MGAM2: variants seen among roughly 807,000 people sequenced by gnomAD.
MGAM2 encodes probable maltase-glucoamylase 2.
In MGAM2, 98 loss-of-function variants were observed where a neutral mutation model predicts 96.1. The ratio of observed to expected loss-of-function variants is 1.02; its 90% CI spans 0.87 to 1.21. MGAM2 has a LOEUF of 1.21. MGAM2 is among the 50% of genes most tolerant of loss of function. The pLI is 0.00. For synonymous variants in MGAM2, 749 were observed against 414.8 expected, an observed-to-expected ratio of 1.81 and a Z score of -9.79; for missense variants, 2,055 against 1,182.4, an observed-to-expected ratio of 1.74 and a Z score of -10.82.
At position 142,148,960 on chromosome 7, in the gene MGAM2, C is replaced by A. The variant is rs1466529290; in HGVS notation, c.1634+1387C>A. Among the ~76,000 whole-genome samples the A allele has an allele frequency of 2.6e-5, 4 of 152,158 alleles. No homozygotes were observed. Among genetic ancestry groups the A allele is most frequent in the African/African-American group, 9.7e-5 (4 of 41,440 alleles). On this transcript the variant is annotated intron_variant, in intron 15 of 47. Transcript: ENST00000477922. The surrounding 1 kb of genome is among the most constrained non-coding windows in gnomAD (Gnocchi z 4.2). ...CTGCTCTGCTGGCTTGGTGCGGTGGCTTACGTCTGTAATCCAAGCACTTTG... is the reference window on the plus strand; with the variant it reads ...CTGCTCTGCTGGCTTGGTGCGGTGGATTACGTCTGTAATCCAAGCACTTTG...
chr7:142,117,930 T>C (rs922087844), intron 2 of MGAM2, among the ~76,000 whole-genome samples: 2 of 148,320 alleles, frequency 1.3e-5, no homozygotes, highest in Non-Finnish European at 2.9e-5. Flanking sequence ...TGCTTTCAAC[T>C]GTTTTTTTTT....
chr7:142,126,289 C>T (rs925696718), intron 3 of MGAM2, among the ~76,000 whole-genome samples: 107 of 151,962 alleles, frequency 7.0e-4, no homozygotes, highest in African/African-American at 2.4e-3. Context: ...ATTGATATTT[C>T]GCACATCTAT....
intron 15 of MGAM2, among the ~76,000 whole-genome samples, chr7:142,153,022 G>A (rs2129084186): frequency 7.1e-6 from 1 of 140,730 alleles, no homozygotes; most frequent in East Asian, 2.1e-4. Context: ...CTGAGACAGA[G>A]CCTTGCTCTG....
intron 46 of MGAM2, among the ~76,000 whole-genome samples, chr7:142,216,557 G>A (rs1395301618): frequency 2.0e-5 from 3 of 152,108 alleles, no homozygotes; most frequent in Non-Finnish European, 2.9e-5. Flanking sequence ...CCAGCTTGTG[G>A]GGGTGGGAGA....
chr7:142,221,660 C>A lies in MGAM2; in HGVS notation c.7149C>A (p.His2383Gln). 2.2e-6 allele frequency: 1 copy of A among 452,382 alleles called. No homozygotes were observed. The highest frequency in any genetic ancestry group is 3.9e-6 in the Non-Finnish European group (1 of 258,276). 28.0% of individuals were successfully genotyped at this position (452,382 alleles called of 1,614,324 possible). The change falls in exon 48 of 48, where the codon CAC becomes CAA. Residue 2383 changes from histidine to glutamine, a missense_variant. Physicochemically the swap from His to Gln is conservative, Grantham distance 24. Transcript: ENST00000477922. Reference protein sequence around the residue: ...TVTSIDKFTTHITQFATPHSA... With the variant: ...TVTSIDKFTTQITQFATPHSA... ...CTTCCATAGACAAATTCACCACACA[C>A]ATCACACAGTTCGCTACTCCCCATT...
chr7:142,114,220 A>G (rs866056476), intron 1 of MGAM2, among the ~76,000 whole-genome samples: 46 of 131,828 alleles, frequency 3.5e-4, no homozygotes, highest in Middle Eastern at 3.9e-3. Context: ...GAAAGAGAGA[A>G]AGAAAGAAAG....
At chr7:142,153,062 C>T (rs907534057) in intron 15 of MGAM2, among the ~76,000 whole-genome samples, 1 of 145,152 alleles carries the variant, frequency 6.9e-6, no homozygotes. Context: ...GTGGCACGAT[C>T]TTGGCTCACT....
chr7:142,215,034 A>G (rs553753777), intron 46 of MGAM2, among the ~76,000 whole-genome samples: 4 of 152,342 alleles, frequency 2.6e-5, no homozygotes, highest in African/African-American at 9.6e-5. Context: ...CACAATAGCA[A>G]AGACTTAGAA....
At chr7:142,126,691 C>T (rs555295297) in intron 3 of MGAM2, among the ~76,000 whole-genome samples, 1 of 152,092 alleles carries the variant, frequency 6.6e-6, no homozygotes, top group South Asian at 2.1e-4. Flanking sequence ...TTCTTTATAT[C>T]TGTTGTCATT....
intron 30 of MGAM2, among the ~76,000 whole-genome samples, 151 bp downstream of exon 30, chr7:142,172,915 A>C (rs1420444974): frequency 2.0e-5 from 3 of 152,190 alleles, no homozygotes; most frequent in Admixed American, 6.5e-5. Flanking sequence ...TTTTAGTATT[A>C]TGGTTCTATA....
chr7:142,158,177 G>T (rs1795792410), intron 18 of MGAM2, 71 bp from the exon 19 acceptor site: 6 of 700,532 alleles, frequency 8.6e-6, no homozygotes, highest in Non-Finnish European at 1.6e-5. Context: ...TTAGGATCTT[G>T]TTGTTACATA....
chr7:142,149,588 T>G (rs1024270516), intron 15 of MGAM2, among the ~76,000 whole-genome samples: 1 of 152,082 alleles, frequency 6.6e-6, no homozygotes. Context: ...TCGCCCAGGC[T>G]GGAGTGCAGT....
At chr7:142,117,113 T>G (rs1817435840) in intron 2 of MGAM2, 134 bp downstream of exon 2, 1 of 630,022 alleles carries the variant, frequency 1.6e-6, no homozygotes, top group Non-Finnish European at 2.8e-6. Context: ...CATGATTAGT[T>G]TAAGTTCAAC....
chr7:142,182,472 G>A (rs1388355610), intron 32 of MGAM2, among the ~76,000 whole-genome samples: 1 of 152,208 alleles, frequency 6.6e-6, no homozygotes, highest in African/African-American at 2.4e-5. Flanking sequence ...GAGCCACTCA[G>A]AGCAAGATGG....
At position 142,221,342 on chromosome 7, in the gene MGAM2, T is replaced by C. The variant is rs1169475189; in HGVS notation, c.6831T>C (p.Asp2277=). Residue 2277 remains aspartate, a synonymous_variant, in exon 48 of 48, where the codon GAT becomes GAC. Transcript: ENST00000477922. ...PFVTTPSPST[D]ATTTSNNTNP... is the part of the protein sequence containing the mutation. ...TGACTACTCCTTCTCCAAGTACTGA[T>C]GCTACTACTACAAGTAATAATACTA... 2 of 632,108 alleles carry C rather than the reference T, an allele frequency of 3.2e-6. No individual in the cohort carries two copies. Among genetic ancestry groups the C allele is most frequent in the African/African-American group, 3.6e-5 (2 of 54,948 alleles). 39.2% of individuals were successfully genotyped at this position (632,108 alleles called of 1,614,324 possible).
intron 6 of MGAM2, among the ~76,000 whole-genome samples, chr7:142,133,601 T>C (rs373565195): frequency 2.0e-5 from 3 of 152,112 alleles, no homozygotes; most frequent in African/African-American, 7.2e-5. Context: ...TCAGGCAAAA[T>C]ACCTATCCTC....
intron 32 of MGAM2, among the ~76,000 whole-genome samples, chr7:142,177,885 A>AAG (rs1796423697): frequency 6.6e-6 from 1 of 152,246 alleles, no homozygotes; most frequent in Non-Finnish European, 1.5e-5. Context: ...GTATATACCC[A>AAG]GTAATGGGGT....
Position 142,220,493 on chromosome 7 carries a change from T to C in MGAM2, c.5982T>C (p.Ser1994=). 1 of 702,506 alleles carries C rather than the reference T, an allele frequency of 1.4e-6. No individual in the cohort carries two copies. Among genetic ancestry groups the C allele is most frequent in the Non-Finnish European group, 2.6e-6 (1 of 384,890 alleles). 43.5% of individuals were successfully genotyped at this position (702,506 alleles called of 1,614,324 possible). ...CAAGTACTATTAGTGTTACAACTAG[T>C]ACTACTGTTCCTGATACAACTGCTC... The part of the protein sequence containing the change: ...FATSTISVTT[S]TTVPDTTAPF... Residue 1994 remains serine (S), a synonymous_variant, in exon 48 of 48, where the codon AGT becomes AGC. Coordinates refer to ENST00000477922, the MANE Select transcript of MGAM2 (RefSeq NM_001293626.2).
intron 37 of MGAM2, among the ~76,000 whole-genome samples, 194 bp from the exon 38 acceptor site, chr7:142,195,960 G>T (rs749562405): frequency 2.0e-5 from 3 of 152,100 alleles, no homozygotes; most frequent in Non-Finnish European, 2.9e-5. Context: ...CACATTCTAC[G>T]TGCAGATATA....
Sources: gnomAD v4.1 joint callset for allele counts (sites outside exome capture counted in the v4.1 genomes callset) on GRCh38, gnomAD v4.1.1 for gene constraint, Gnocchi (gnomAD v3.1) non-coding constraint, MANE v1.5 for transcripts, NCBI Gene and HGNC (gene_info 2026-07-23, HGNC 2026-07-21) for gene names.